The following UNC5C variants were observed in gnomAD, a reference collection of about 807,000 sequenced individuals.
UNC5C encodes the protein unc-5 netrin receptor C, also known as netrin receptor UNC5C.
A neutral mutation model predicts 99.8 loss-of-function variants in UNC5C; 47 were observed. The ratio of observed to expected loss-of-function variants is 0.47; its 90% CI spans 0.37 to 0.60. The LOEUF is 0.60. Ranked by LOEUF, UNC5C falls within the 20% of genes least tolerant of loss-of-function variation. The probability of loss-of-function intolerance (pLI) is 0.00; values close to 1 mark genes in which losing one functional copy is unlikely to be tolerated. For synonymous variants in UNC5C, 487 were observed against 452.2 expected (o/e 1.08, Z -0.98); for missense variants, 1,062 against 1,165.9 (o/e 0.91, Z 1.30).
At chr4:95,366,079 C>A (rs541195991) in intron 1 of UNC5C, among the ~76,000 whole-genome samples, 6 of 152,094 alleles carry the variant, frequency 3.9e-5, no homozygotes, top group Non-Finnish European at 8.8e-5. Context: ...CACAAAGGGC[C>A]TGGAGTTACC....
intron 2 of UNC5C, among the ~76,000 whole-genome samples, chr4:95,313,508 T>C (rs752043055): frequency 3.3e-5 from 5 of 152,184 alleles, no homozygotes; most frequent in African/African-American, 4.8e-5. Flanking sequence ...AATATCCTTA[T>C]TGACCCTCTA....
At chr4:95,266,621 C>T (rs1740457740) in intron 4 of UNC5C, among the ~76,000 whole-genome samples, 1 of 152,150 alleles carries the variant, frequency 6.6e-6, no homozygotes, top group South Asian at 2.1e-4. Context: ...CATTGGCTGC[C>T]TAAGTCCTGT....
chr4:95,367,450 A>G (rs1009958779), intron 1 of UNC5C, among the ~76,000 whole-genome samples: 2 of 152,086 alleles, frequency 1.3e-5, no homozygotes, highest in African/African-American at 4.8e-5. Context: ...AAGTGCTGGG[A>G]TTACAGGCGT....
rs1483331718 is a variant in UNC5C, at chr4:95,165,722, T to C, written c.*3512A>G. The C allele has an allele frequency of 2.0e-5, 3 of 152,250 alleles. No individual in the cohort carries two copies. The highest frequency in any genetic ancestry group is 4.8e-5 in the African/African-American group (2 of 41,454). 9.4% of individuals were successfully genotyped at this position (152,250 alleles called of 1,614,324 possible). On this transcript the variant is annotated 3_prime_UTR_variant, in exon 16 of 16. Transcript: ENST00000453304. ...ATTCCATTCGCATATATAAGACTTA[T>C]TTCTTTCTAAGCAGATACTTCTTAC... is the stretch of plus-strand genomic sequence containing the variant.
chr4:95,485,188 C>T (rs1475614942), intron 1 of UNC5C, among the ~76,000 whole-genome samples: 1 of 151,706 alleles, frequency 6.6e-6, no homozygotes, highest in Non-Finnish European at 1.5e-5. Context: ...GCAACAATTT[C>T]TAATAAGAAG....
chr4:95,482,461 G>A (rs1431232319), intron 1 of UNC5C, among the ~76,000 whole-genome samples: 1 of 149,200 alleles, frequency 6.7e-6, no homozygotes, highest in African/African-American at 2.5e-5. Context: ...CGATTCCTCA[G>A]GGATCTAGAA....
chr4:95,175,810 G>A (rs1016245293), intron 14 of UNC5C, among the ~76,000 whole-genome samples: 3 of 152,056 alleles, frequency 2.0e-5, no homozygotes, highest in African/African-American at 7.2e-5. Context: ...GACTGGGGAA[G>A]TTCTCCTGGA....
chr4:95,426,797 C>G (rs960318682), intron 1 of UNC5C, among the ~76,000 whole-genome samples: 1 of 152,170 alleles, frequency 6.6e-6, no homozygotes, highest in Non-Finnish European at 1.5e-5. Context: ...GCTGAGAGAA[C>G]TGAGGAAGCT....
At chr4:95,409,575 C>T (rs901307648) in intron 1 of UNC5C, among the ~76,000 whole-genome samples, 2 of 152,074 alleles carry the variant, frequency 1.3e-5, no homozygotes, top group Non-Finnish European at 1.5e-5. Flanking sequence ...CTTTATGTAT[C>T]CTCAAATCAA....
In UNC5C at chr4:95,169,239, A is replaced by G. The variant is rs765338334; in HGVS notation, c.2791T>C (p.Tyr931His). 1 of 1,613,906 alleles carries G rather than the reference A, an allele frequency of 6.2e-7. No homozygotes were observed. Among genetic ancestry groups the G allele is most frequent in the East Asian group, 2.2e-5 (1 of 44,872 alleles). ...TTCCCCTTCCAGCATGGTGGTTAAT[A>G]CTGCCCTTCTGCTGCTAAGGACACC... The part of the protein sequence containing the change: ...TVVSLAAEGQ[Y>H] The change falls in exon 16 of 16, where the codon TAT becomes CAT. Residue 931 changes from tyrosine (Y) to histidine (H), a missense_variant. Coordinates refer to ENST00000453304, the MANE Select transcript of UNC5C (RefSeq NM_003728.4).
At chr4:95,254,466 A>G (rs1291778347) in intron 4 of UNC5C, among the ~76,000 whole-genome samples, 3 of 152,214 alleles carry the variant, frequency 2.0e-5, no homozygotes, top group African/African-American at 7.2e-5. Flanking sequence ...CTGGTCTAGC[A>G]TCAGTGTGTT....
intron 1 of UNC5C, among the ~76,000 whole-genome samples, chr4:95,336,509 G>A (rs947930086): frequency 3.3e-5 from 5 of 151,886 alleles, no homozygotes; most frequent in Non-Finnish European, 4.4e-5. Flanking sequence ...ATAGAGCATG[G>A]TATTGGTACT....
chr4:95,239,764 G>A (rs181787055), intron 7 of UNC5C, among the ~76,000 whole-genome samples: 44 of 152,116 alleles, frequency 2.9e-4, no homozygotes, highest in Non-Finnish European at 5.3e-4. Context: ...TGTATTAAGC[G>A]CTTAACAAGG....
At chr4:95,360,155 C>T (rs1744344663) in intron 1 of UNC5C, among the ~76,000 whole-genome samples, 1 of 152,094 alleles carries the variant, frequency 6.6e-6, no homozygotes, top group Non-Finnish European at 1.5e-5. Flanking sequence ...ACAGATGTTA[C>T]CTTTTCAACA....
intron 1 of UNC5C, among the ~76,000 whole-genome samples, chr4:95,427,064 T>C (rs1746507292): frequency 6.6e-6 from 1 of 152,202 alleles, no homozygotes; most frequent in African/African-American, 2.4e-5. Flanking sequence ...TCCTTATGAA[T>C]GACTTTGAGG....
intron 1 of UNC5C, among the ~76,000 whole-genome samples, chr4:95,442,640 T>C (rs1746984124): frequency 6.6e-6 from 1 of 152,136 alleles, no homozygotes; most frequent in Non-Finnish European, 1.5e-5. Flanking sequence ...ATATATATTC[T>C]CTTCTGCTTC....
intron 1 of UNC5C, among the ~76,000 whole-genome samples, chr4:95,475,867 AT>A (rs564725800): frequency 6.0e-4 from 92 of 152,244 alleles, no homozygotes; most frequent in Admixed American, 1.4e-3. Flanking sequence ...CTGTCTAATG[AT>A]AATCAGCAGG....
At chr4:95,389,625 A>G (rs1267510828) in intron 1 of UNC5C, among the ~76,000 whole-genome samples, 1 of 152,132 alleles carries the variant, frequency 6.6e-6, no homozygotes, top group Non-Finnish European at 1.5e-5. Context: ...TGTTATTGGA[A>G]TAATTTTAAG....
At chr4:95,381,798 A>G (rs1458743300) in intron 1 of UNC5C, among the ~76,000 whole-genome samples, 2 of 152,300 alleles carry the variant, frequency 1.3e-5, no homozygotes, top group Middle Eastern at 3.4e-3. Context: ...AATCAGAACT[A>G]TAGATCTTTG....
Sources: gnomAD v4.1 joint callset for allele counts (sites outside exome capture counted in the v4.1 genomes callset) on GRCh38, gnomAD v4.1.1 for gene constraint, MANE v1.5 for transcripts, NCBI Gene and HGNC (gene_info 2026-07-23, HGNC 2026-07-21) for gene names.